DRC9: variants seen among roughly 807,000 people sequenced by gnomAD.
DRC9 encodes dynein regulatory complex protein 9.
At chr3:197,922,068 G>T in the DRC9 span, among the ~76,000 whole-genome samples, 1 of 152,102 alleles carries the variant, frequency 6.6e-6, no homozygotes, top group Non-Finnish European at 1.5e-5. Flanking sequence ...TTTCATCTTG[G>T]TAGTTCTTTT....
chr3:197,934,060 G>A, the DRC9 span, among the ~76,000 whole-genome samples: 2 of 148,512 alleles, frequency 1.3e-5, no homozygotes, highest in Non-Finnish European at 3.0e-5. Flanking sequence ...GTTGAATTTT[G>A]CCAAATGCCT....
chr3:197,927,319 C>T, the DRC9 span, among the ~76,000 whole-genome samples: 2 of 152,156 alleles, frequency 1.3e-5, no homozygotes, highest in Admixed American at 6.5e-5. Context: ...CTCCGCCTCC[C>T]GGGTTCAAGC....
the DRC9 span, among the ~76,000 whole-genome samples, chr3:197,911,706 C>T: frequency 5.3e-5 from 8 of 151,570 alleles, no homozygotes; most frequent in African/African-American, 1.7e-4. Context: ...GTGGCATGAT[C>T]TCGGCTCACT....
chr3:197,902,008 C>A, the DRC9 span, among the ~76,000 whole-genome samples: 1 of 152,290 alleles, frequency 6.6e-6, no homozygotes, highest in African/African-American at 2.4e-5. Flanking sequence ...CCATTCTCAG[C>A]TCCAGGTAGC....
At chr3:197,905,620 C>T in the DRC9 span, among the ~76,000 whole-genome samples, 3 of 151,932 alleles carry the variant, frequency 2.0e-5, no homozygotes, top group East Asian at 1.9e-4. Flanking sequence ...TGGTGGCAGG[C>T]GCCTGTAATC....
the DRC9 span, among the ~76,000 whole-genome samples, chr3:197,931,774 G>A: frequency 7.9e-5 from 12 of 151,594 alleles, no homozygotes; most frequent in Admixed American, 1.3e-4. Flanking sequence ...ACAGGCGCCC[G>A]CCACCACGCC....
At chr3:197,913,342 G>GTGCCTGGCTT in the DRC9 span, 1 of 228,420 alleles carries the variant, frequency 4.4e-6, no homozygotes, top group African/African-American at 2.5e-5. Flanking sequence ...GCGTGCGTGC[G>GTGCCTGGCTT]TGCGTGTGTG....
At chr3:197,955,790 TA>T in the DRC9 span, 1 of 1,589,406 alleles carries the variant, frequency 6.3e-7, no homozygotes, top group Non-Finnish European at 8.6e-7. Context: ...GAAAAATCAA[TA>T]AATAAATGTG....
At chr3:197,896,339 G>A in the DRC9 span, among the ~76,000 whole-genome samples, 17 of 148,904 alleles carry the variant, frequency 1.1e-4, no homozygotes, top group Non-Finnish European at 2.4e-4. Flanking sequence ...GCAAAACTCC[G>A]TTAAAAAAAA....
At chr3:197,940,436 C>T in the DRC9 span, among the ~76,000 whole-genome samples, 2 of 151,872 alleles carry the variant, frequency 1.3e-5, no homozygotes, top group South Asian at 2.1e-4. Context: ...AAACTTTGGT[C>T]AAATCACTCT....
the DRC9 span, among the ~76,000 whole-genome samples, chr3:197,939,485 G>A: frequency 0.25 from 37,796 of 152,184 alleles, 5,865 homozygotes; most frequent in African/African-American, 0.45. Context: ...GGGACCGCAG[G>A]AACGGCCTAT....
At chr3:197,939,092 G>A in the DRC9 span, 3 of 268,796 alleles carry the variant, frequency 1.1e-5, no homozygotes, top group African/African-American at 2.3e-5. Context: ...CCATCAGGTC[G>A]TGGTTTCTAG....
the DRC9 span, chr3:197,950,768 G>C: frequency 1.6e-6 from 1 of 633,776 alleles, no homozygotes; most frequent in Non-Finnish European, 2.8e-6. Context: ...AGGTTTGAAT[G>C]TCTTGCCGGA....
chr3:197,903,517 T>A, the DRC9 span, among the ~76,000 whole-genome samples: 2 of 152,062 alleles, frequency 1.3e-5, no homozygotes, highest in African/African-American at 4.8e-5. Flanking sequence ...ACTCCTGTAG[T>A]CCCAGCTACT....
the DRC9 span, chr3:197,943,711 T>C: frequency 8.0e-7 from 1 of 1,248,530 alleles, no homozygotes; most frequent in African/African-American, 1.5e-5. Context: ...TTTAATGGGA[T>C]AGGTACTATA....
the DRC9 span, chr3:197,943,670 A>T: frequency 1.0e-6 from 1 of 981,852 alleles, no homozygotes; most frequent in Non-Finnish European, 1.5e-6. Flanking sequence ...AGAAGGAAAG[A>T]GAGAGAGAGA....
At chr3:197,932,969 ATATTATATTG>A in the DRC9 span, among the ~76,000 whole-genome samples, 1 of 138,978 alleles carries the variant, frequency 7.2e-6, no homozygotes, top group Admixed American at 7.8e-5. Flanking sequence ...ATTATATATT[ATATTATATTG>A]TATTATATAT....
the DRC9 span, chr3:197,938,710 A>G: frequency 6.2e-7 from 1 of 1,614,040 alleles, no homozygotes; most frequent in South Asian, 1.1e-5. Flanking sequence ...CGGACTGGGT[A>G]TTTTTGTGAT....
chr3:197,919,114 A>C, the DRC9 span, among the ~76,000 whole-genome samples: 3 of 152,166 alleles, frequency 2.0e-5, no homozygotes, highest in Admixed American at 1.3e-4. Context: ...GGCCAATGTA[A>C]GTGTTTATAA....
Sources: allele counts gnomAD v4.1 joint callset (sites outside exome capture counted in the v4.1 genomes callset), GRCh38; gene constraint gnomAD v4.1.1; transcripts MANE v1.5; gene names NCBI Gene and HGNC (gene_info 2026-07-23, HGNC 2026-07-21).